The following PLCB4 variants were observed in gnomAD, a reference collection of about 807,000 sequenced individuals.
The protein encoded by PLCB4 is phospholipase C beta 4.
A neutral mutation model predicts 178.8 loss-of-function variants in PLCB4; 77 were observed. The observed-to-expected ratio is 0.43, with a 90% CI of 0.36 to 0.52. The LOEUF (loss-of-function observed/expected upper bound fraction) is 0.52. PLCB4 is among the 20% of genes least tolerant of loss of function. The pLI, the probability that PLCB4 is intolerant of heterozygous loss-of-function variation, is 0.00. For synonymous variants in PLCB4, 496 were observed against 490.8 expected, an observed-to-expected ratio of 1.01 and a Z score of -0.14; for missense variants, 1,024 against 1,453.4, an observed-to-expected ratio of 0.70 and a Z score of 4.80.
At chr20:9,254,444 C>T (rs1246942362) in intron 3 of PLCB4, among the ~76,000 whole-genome samples, 2 of 152,172 alleles carry the variant, frequency 1.3e-5, no homozygotes, top group Non-Finnish European at 2.9e-5. Flanking sequence ...CCTGTAACCC[C>T]AGCACTTCGG....
At chr20:9,146,372 G>T (rs2092599243) in intron 2 of PLCB4, among the ~76,000 whole-genome samples, 1 of 152,092 alleles carries the variant, frequency 6.6e-6, no homozygotes, top group Non-Finnish European at 1.5e-5. Context: ...GATCAGGATG[G>T]ATAGCATGTA....
chr20:9,198,527 G>A (rs889025500), intron 2 of PLCB4, among the ~76,000 whole-genome samples: 1 of 152,200 alleles, frequency 6.6e-6, no homozygotes, highest in Non-Finnish European at 1.5e-5. Flanking sequence ...TTCTGCAGCA[G>A]AACTAATGTG....
chr20:9,320,651 A>T (rs1351618736), intron 4 of PLCB4, among the ~76,000 whole-genome samples: 1 of 152,218 alleles, frequency 6.6e-6, no homozygotes, highest in African/African-American at 2.4e-5. Context: ...TGTTTTAAGT[A>T]GGTCTTTTTA....
intron 2 of PLCB4, among the ~76,000 whole-genome samples, chr20:9,164,989 A>G (rs1466834369): frequency 6.6e-6 from 1 of 152,044 alleles, no homozygotes; most frequent in East Asian, 1.9e-4. Flanking sequence ...TGCAAACACT[A>G]TTGCATTTGG....
intron 2 of PLCB4, among the ~76,000 whole-genome samples, chr20:9,182,457 T>C (rs568935644): frequency 4.3e-4 from 65 of 152,292 alleles, no homozygotes; most frequent in African/African-American, 1.4e-3. Flanking sequence ...TGCTCAATCA[T>C]CGCTAGGCCT....
chr20:9,115,437 T>C, intron 2 of PLCB4, among the ~76,000 whole-genome samples: 1 of 152,060 alleles, frequency 6.6e-6, no homozygotes, highest in Non-Finnish European at 1.5e-5. Context: ...CTTCTTCTTT[T>C]TTTTTAATAC....
chr20:9,241,077 G>A (rs1168737553), intron 3 of PLCB4, among the ~76,000 whole-genome samples: 1 of 152,114 alleles, frequency 6.6e-6, no homozygotes, highest in Non-Finnish European at 1.5e-5. Flanking sequence ...TTTAGGCTCA[G>A]TTTTCTTTGA....
At chr20:9,190,155 G>A (rs2093382613) in intron 2 of PLCB4, among the ~76,000 whole-genome samples, 1 of 152,114 alleles carries the variant, frequency 6.6e-6, no homozygotes, top group African/African-American at 2.4e-5. Flanking sequence ...TGGGACCAGG[G>A]AAGAAAATTA....
At chr20:9,404,366 C>T (rs2039276059) in intron 20 of PLCB4, among the ~76,000 whole-genome samples, 1 of 152,136 alleles carries the variant, frequency 6.6e-6, no homozygotes, top group African/African-American at 2.4e-5. Context: ...ATTGCCTTTA[C>T]ACACTATCTT....
intron 7 of PLCB4, among the ~76,000 whole-genome samples, chr20:9,360,891 T>C (rs2050026): frequency 0.062 from 9,400 of 152,210 alleles, 935 homozygotes; most frequent in African/African-American, 0.21. Flanking sequence ...CTCAGAAAAC[T>C]GTTAGGTGTG....
intron 13 of PLCB4, among the ~76,000 whole-genome samples, chr20:9,383,602 A>G (rs1028337): frequency 0.17 from 25,666 of 152,166 alleles, 3,463 homozygotes; most frequent in African/African-American, 0.37. Flanking sequence ...TTCAATGACC[A>G]CTGTATACTC....
At chr20:9,324,697 A>C (rs2030134397) in intron 4 of PLCB4, among the ~76,000 whole-genome samples, 1 of 152,088 alleles carries the variant, frequency 6.6e-6, no homozygotes, top group Admixed American at 6.6e-5. Context: ...TTCTTGTGTG[A>C]TGTTCCAGTA....
intron 2 of PLCB4, among the ~76,000 whole-genome samples, chr20:9,201,897 A>G (rs2093551753): frequency 6.6e-6 from 1 of 152,224 alleles, no homozygotes; most frequent in African/African-American, 2.4e-5. Context: ...TACCTAAGTG[A>G]TGGAAACTTA....
At chr20:9,270,046 A>G (rs2094387161) in intron 3 of PLCB4, among the ~76,000 whole-genome samples, 1 of 152,130 alleles carries the variant, frequency 6.6e-6, no homozygotes, top group East Asian at 1.9e-4. Context: ...TCCATAGTAC[A>G]TAATACAGTA....
intron 7 of PLCB4, among the ~76,000 whole-genome samples, chr20:9,355,644 G>A (rs1470805703): frequency 1.3e-5 from 2 of 151,800 alleles, no homozygotes; most frequent in Non-Finnish European, 2.9e-5. Context: ...TTTTATGGCT[G>A]CATAGTATTC....
chr20:9,236,734 G>A (rs139286580), intron 3 of PLCB4, among the ~76,000 whole-genome samples: 2,195 of 152,298 alleles, frequency 0.014, 27 homozygotes, highest in Middle Eastern at 0.061. Context: ...AGCATTCTAC[G>A]TGAGTTTCTA....
chr20:9,170,703 G>A (rs1369939852), intron 2 of PLCB4, among the ~76,000 whole-genome samples: 1 of 152,180 alleles, frequency 6.6e-6, no homozygotes, highest in Non-Finnish European at 1.5e-5. Flanking sequence ...GTGGGCAGTA[G>A]TTTCAGTCAG....
intron 32 of PLCB4, among the ~76,000 whole-genome samples, chr20:9,444,820 C>G (rs967712494): frequency 2.6e-5 from 4 of 152,054 alleles, no homozygotes; most frequent in African/African-American, 9.7e-5. Flanking sequence ...TGAAGACCAG[C>G]TCACAATTCT....
At chr20:9,248,771 G>T (rs1167922016) in intron 3 of PLCB4, among the ~76,000 whole-genome samples, 1 of 152,100 alleles carries the variant, frequency 6.6e-6, no homozygotes, top group Non-Finnish European at 1.5e-5. Flanking sequence ...CCTTTATGAG[G>T]TTTTCTCTCA....
Sources: gnomAD v4.1 joint callset for allele counts (sites outside exome capture counted in the v4.1 genomes callset) on GRCh38, gnomAD v4.1.1 for gene constraint, MANE v1.5 for transcripts, NCBI Gene and HGNC (gene_info 2026-07-23, HGNC 2026-07-21) for gene names.